EML5: variants seen among roughly 807,000 people sequenced by gnomAD.
EML5 encodes the protein echinoderm microtubule-associated protein-like 5.
In EML5, 120 loss-of-function variants were observed where a neutral mutation model predicts 250.0. The ratio of observed to expected loss-of-function variants is 0.48; its 90% CI spans 0.41 to 0.56. EML5 has a LOEUF of 0.56. Among genes scored for constraint, EML5 ranks in the 20% least tolerant of loss-of-function variants. The pLI is 0.00. For missense variants in EML5, 2,006 were observed against 2,437.6 expected (o/e 0.82, Z 3.73); for synonymous variants, 771 against 806.5 (o/e 0.96, Z 0.75).
intron 2 of EML5, among the ~76,000 whole-genome samples, chr14:88,747,997 C>T (rs1185821485): frequency 6.6e-6 from 1 of 151,616 alleles, no homozygotes; most frequent in Non-Finnish European, 1.5e-5. Context: ...GAGGGGAAAA[C>T]AAATAAATTA....
rs1003072295 is a variant in EML5 at position 88,681,905 on chromosome 14, G to A, written c.3109C>T (p.Arg1037Trp). ...AGCCTCTTACCCTTTTTCAGCTTCC[G>A]GACAGCCAACATACAATGACTAGGT... ...LSPSHCMLAV[R>W]KLKKGGRCCC... The change falls in exon 21 of 44, where the codon CGG (arginine) becomes TGG (tryptophan). Residue 1037 changes from arginine (R) to tryptophan (W), a missense_variant. Physicochemically the swap from Arg to Trp is moderately radical, Grantham distance 101. Around this residue, in one of 7 missense-constraint regions of EML5, gnomAD observed 1,375 missense variants for 1,590.3 expected, o/e 0.86. Coordinates refer to ENST00000554922, the MANE Select transcript of EML5 (RefSeq NM_183387.3). 2.5e-6 allele frequency: 4 copies of A among 1,606,166 alleles called. No homozygotes were observed. Among genetic ancestry groups the A allele is most frequent in the Admixed American group, 1.7e-5 (1 of 58,678 alleles).
At chr14:88,718,745 T>C (rs1425493762) in intron 8 of EML5, among the ~76,000 whole-genome samples, 7 of 152,070 alleles carry the variant, frequency 4.6e-5, no homozygotes, top group African/African-American at 1.4e-4. Context: ...GGGAGGAAAG[T>C]AGAAATGTGA....
chr14:88,746,678 T>C (rs968956491), intron 2 of EML5, among the ~76,000 whole-genome samples: 1 of 152,192 alleles, frequency 6.6e-6, no homozygotes, highest in African/African-American at 2.4e-5. Flanking sequence ...TACTGGACTC[T>C]AAAGGCATCG....
chr14:88,616,918 T>A (rs760967063), intron 41 of EML5, 39 bp from the exon 42 acceptor site: 1 of 1,598,556 alleles, frequency 6.3e-7, no homozygotes, highest in African/African-American at 1.3e-5. Flanking sequence ...TCATGGCAAG[T>A]GCGGGCAGGT....
intron 6 of EML5, 128 bp from the exon 7 acceptor site, chr14:88,736,693 A>G (rs2093845734): frequency 8.7e-6 from 7 of 809,204 alleles, no homozygotes; most frequent in Non-Finnish European, 1.2e-5. Flanking sequence ...AGACAGTTTA[A>G]AGCCTGAAAG....
intron 1 of EML5, among the ~76,000 whole-genome samples, chr14:88,780,120 T>C (rs2094482911): frequency 6.6e-6 from 1 of 152,014 alleles, no homozygotes; most frequent in African/African-American, 2.4e-5. Context: ...TCCAGCTAAT[T>C]TTTGTATTTT....
rs999576534 is a variant in EML5 at position 88,792,698 on chromosome 14, C to T, written c.-195G>A. On this transcript the variant is annotated 5_prime_UTR_variant, in exon 1 of 44. Coordinates refer to ENST00000554922, the MANE Select transcript of EML5 (RefSeq NM_183387.3). This position sits in a 1 kb window ranked among gnomAD's most constrained non-coding sequence, Gnocchi z 6.9. ...CCACAGGCGGGAGGAAAACCCTCGC[C>T]TCGCGGAACATGCTGAGGGCCGCGA... The T allele has an allele frequency of 8.0e-6, 9 of 1,123,532 alleles. No individual in the cohort carries two copies. The Admixed American group carries it at 3.0e-4, about 37-fold the overall frequency. The allele number at this position is 1,123,532 out of a possible 1,614,324, so 69.6% of individuals were successfully genotyped here. A position where few individuals can be genotyped will look rare whatever the true frequency, so the allele number is the denominator to read the frequency against.
At chr14:88,776,989 T>C (rs559491033) in intron 1 of EML5, among the ~76,000 whole-genome samples, 1 of 152,042 alleles carries the variant, frequency 6.6e-6, no homozygotes, top group Admixed American at 6.6e-5. Context: ...AAAGAGGAGC[T>C]AGATAAAGAG....
intron 27 of EML5, among the ~76,000 whole-genome samples, chr14:88,655,120 G>T (rs890902073): frequency 7.3e-5 from 11 of 151,634 alleles, no homozygotes; most frequent in Admixed American, 6.6e-4. Flanking sequence ...TCACAGAATT[G>T]AACTACTGTA....
intron 7 of EML5, among the ~76,000 whole-genome samples, chr14:88,727,463 G>T (rs2093685156): frequency 6.7e-6 from 1 of 150,294 alleles, no homozygotes; most frequent in Non-Finnish European, 1.5e-5. Flanking sequence ...GTGCAATGGT[G>T]TGATCTCGGC....
chr14:88,660,142 G>T (rs185417139), intron 25 of EML5, among the ~76,000 whole-genome samples: 81 of 151,970 alleles, frequency 5.3e-4, no homozygotes, highest in Non-Finnish European at 9.3e-4. Context: ...CATTAGCCAG[G>T]CATGGTGGCA....
intron 10 of EML5, among the ~76,000 whole-genome samples, chr14:88,708,809 A>AGC: frequency 6.6e-6 from 1 of 152,138 alleles, no homozygotes. Flanking sequence ...GTACCTTTTG[A>AGC]TTATGAAAAC....
At chr14:88,729,670 G>A (rs1595697971) in intron 7 of EML5, among the ~76,000 whole-genome samples, 1 of 151,354 alleles carries the variant, frequency 6.6e-6, no homozygotes, top group Non-Finnish European at 1.5e-5. Flanking sequence ...AGTGATTCTC[G>A]TGCCTCACCC....
In EML5 at chr14:88,664,585, A is replaced by C. The variant is rs2092250327; in HGVS notation, c.3317T>G (p.Phe1106Cys). ...KYLAVASHDS[F>C]IDIYNVMSSK... ...ACTCATTACATTGTATATATCTATAAAGCTGTCATGGGATGCTACAGCAAG... is the reference window on the plus strand; with the variant it reads ...ACTCATTACATTGTATATATCTATACAGCTGTCATGGGATGCTACAGCAAG... The change falls in exon 23 of 44, where the codon TTT (phenylalanine) becomes TGT (cysteine). Residue 1106 changes from phenylalanine to cysteine, a missense_variant. Around this residue, in one of 7 missense-constraint regions of EML5, gnomAD observed 1,375 missense variants for 1,590.3 expected, o/e 0.86. Transcript: ENST00000554922. 6.2e-7 allele frequency: 1 copy of C among 1,608,890 alleles called. No individual in the cohort carries two copies.
At chr14:88,699,718 C>T (rs933907041) in intron 14 of EML5, among the ~76,000 whole-genome samples, 18 of 151,952 alleles carry the variant, frequency 1.2e-4, no homozygotes, top group Admixed American at 2.6e-4. Context: ...AATATATATT[C>T]AGGTGAAAGA....
intron 7 of EML5, among the ~76,000 whole-genome samples, chr14:88,735,158 C>T (rs78213949): frequency 0.015 from 2,339 of 152,138 alleles, 64 homozygotes; most frequent in Non-Finnish European, 0.016. Context: ...TTGAGTATAT[C>T]GTAGTCACTT....
At chr14:88,659,756 C>A (rs1042261087) in intron 25 of EML5, among the ~76,000 whole-genome samples, 1 of 152,194 alleles carries the variant, frequency 6.6e-6, no homozygotes, top group African/African-American at 2.4e-5. Context: ...TTACATGTAT[C>A]TAAAACAGGA....
intron 1 of EML5, among the ~76,000 whole-genome samples, chr14:88,783,703 A>G (rs557589214): frequency 1.3e-5 from 2 of 152,342 alleles, no homozygotes; most frequent in Middle Eastern, 3.4e-3. Context: ...ACAGGCCCCA[A>G]TATAATAGCT....
intron 1 of EML5, among the ~76,000 whole-genome samples, chr14:88,769,401 A>T (rs530293159): frequency 6.6e-6 from 1 of 152,312 alleles, no homozygotes; most frequent in African/African-American, 2.4e-5. Flanking sequence ...CCCCAGAAGC[A>T]GAAACTGCTA....
Sources: gnomAD v4.1 joint callset for allele counts (sites outside exome capture counted in the v4.1 genomes callset) on GRCh38, gnomAD v4.1.1 for gene constraint, gnomAD v4.1.1 regional missense constraint, Gnocchi (gnomAD v3.1) non-coding constraint, MANE v1.5 for transcripts, NCBI Gene and HGNC (gene_info 2026-07-23, HGNC 2026-07-21) for gene names.